Variants in TJP3 observed in about 807,000 individuals in gnomAD.
The protein encoded by TJP3 is tight junction protein 3.
A neutral mutation model predicts 104.2 loss-of-function variants in TJP3; 85 were observed. The ratio of observed to expected loss-of-function variants is 0.82; its 90% confidence interval spans 0.68 to 0.98. The LOEUF is 0.98. Among genes scored for constraint, TJP3 ranks in the 50% least tolerant of loss-of-function variants. TJP3 has a pLI of 0.00. For synonymous variants in TJP3, 550 were observed against 550.6 expected (o/e 1.00, Z 0.02); for missense variants, 1,367 against 1,322.8 (o/e 1.03, Z -0.52).
chr19:3,731,839 T>C, intron 5 of TJP3, 96 bp from the exon 6 acceptor site: 1 of 903,346 alleles, frequency 1.1e-6, no homozygotes. Context: ...GGTGTTAGGA[T>C]GGGAGGGCCC....
chr19:3,737,935 G>A (rs755183626), intron 11 of TJP3, among the ~76,000 whole-genome samples: 5 of 148,532 alleles, frequency 3.4e-5, no homozygotes, highest in African/African-American at 7.5e-5. Context: ...TGTCCATGTC[G>A]TGACCCTGAG....
At chr19:3,749,419 G>A (rs922997289) in intron 19 of TJP3, among the ~76,000 whole-genome samples, 21 of 152,000 alleles carry the variant, frequency 1.4e-4, no homozygotes, top group Middle Eastern at 3.4e-3. Flanking sequence ...AGTTCGTTGC[G>A]GCCTCCAACT....
chr19:3,736,961 C>T (rs1292691214), intron 11 of TJP3, among the ~76,000 whole-genome samples: 1 of 150,916 alleles, frequency 6.6e-6, no homozygotes, highest in Non-Finnish European at 1.5e-5. Context: ...CTCACTGCAA[C>T]CTCCGCCTCC....
rs1555737412 is a variant in TJP3 at position 3,720,905 on chromosome 19, T to TTC, written c.-9-7518_-9-7517insCT. 1.5e-3 allele frequency among the ~76,000 whole-genome samples: 211 copies of TTC among 142,520 alleles called. 1 individual carries two copies. In the East Asian group the frequency reaches 0.023, roughly 15 times the overall value. The allele number at this position is 142,520 out of a possible 152,430, so 93.5% of individuals were successfully genotyped here. A position where few individuals can be genotyped will look rare whatever the true frequency, so the allele number is the denominator to read the frequency against. On this transcript the variant is annotated intron_variant, in intron 1 of 20. Transcript: ENST00000541714. Reference sequence around the variant, plus strand: ...CTTCTTTCCTTCCTTCCTTTTCTTTTTTTTTTTTTTTTTTTGAGACAGGGT... The same window carrying TTC: ...CTTCTTTCCTTCCTTCCTTTTCTTTTTCTTTTTTTTTTTTTTTGAGACAGGGT...
intron 3 of TJP3, 30 bp from the exon 4 acceptor site, chr19:3,729,995 GCCT>G: frequency 1.3e-6 from 2 of 1,597,866 alleles, no homozygotes; most frequent in Non-Finnish European, 1.7e-6. Context: ...CCCCTGCAAA[GCCT>G]CCTCCGTAAG....
At chr19:3,723,231 C>T (rs183760725) in intron 1 of TJP3, among the ~76,000 whole-genome samples, 3 of 152,116 alleles carry the variant, frequency 2.0e-5, no homozygotes, top group Admixed American at 2.0e-4. Flanking sequence ...CATCCCACAC[C>T]CCAATCATCA....
Position 3,739,074 on chromosome 19 carries a change from C to T in TJP3, c.1571C>T (p.Ala524Val), listed in dbSNP as rs147001701. 26 of 1,605,824 alleles carry T rather than the reference C, an allele frequency of 1.6e-5. No individual in the cohort carries two copies. The highest frequency in any genetic ancestry group is 3.4e-5 in the Admixed American group (2 of 59,506). Residue 524 changes from alanine (A) to valine (V), a missense_variant, in exon 13 of 21, where the codon GCG (alanine) becomes GTG (valine). Transcript: ENST00000541714. ...CACGCACGAGGAGGCCACTGGCTGGCGGTGCGCATGGGTCGTGACCTGCGG... is the reference window on the plus strand; with the variant it reads ...CACGCACGAGGAGGCCACTGGCTGGTGGTGCGCATGGGTCGTGACCTGCGG... Reference protein sequence around the residue: ...QSHARGGHWLAVRMGRDLREQ... With the variant: ...QSHARGGHWLVVRMGRDLREQ...
rs1424856616 is a variant in TJP3, at chr19:3,735,588, G to A, written c.1009G>A (p.Glu337Lys). ...CAGGGAGAGTCCCCGGCTTCGGCGG[G>A]AAAGTTCAGTAGATTCCAGAACCAT... ...SPVESPRLRR[E>K]SSVDSRTISE... The change falls in exon 9 of 21, where the codon GAA becomes AAA. Residue 337 changes from glutamate to lysine, a missense_variant. Glu to Lys is a moderately conservative substitution (Grantham distance 56). Coordinates refer to ENST00000541714, the MANE Select transcript of TJP3 (RefSeq NM_001267560.2). 6.2e-7 allele frequency: 1 copy of A among 1,614,218 alleles called. No homozygotes were observed. The highest frequency in any genetic ancestry group is 1.1e-5 in the South Asian group (1 of 91,086).
Position 3,746,652 on chromosome 19 carries a change from A to T in TJP3, c.2178A>T (p.Ala726=), listed in dbSNP as rs2036896399. 6.2e-6 allele frequency: 10 copies of T among 1,613,216 alleles called. No homozygotes were observed. The highest frequency in any genetic ancestry group is 7.6e-6 in the Non-Finnish European group (9 of 1,179,752). ...ASRRSTRRLY[A]QAQKLRKHSS... ...GCCGCAGCACCCGTCGCCTCTACGC[A>T]CAAGCCCAGAAGCTGCGAAAACACA... The change falls in exon 17 of 21, where the codon GCA becomes GCT. Residue 726 remains alanine, a synonymous_variant. Transcript: ENST00000541714. This position sits in a 1 kb window ranked among gnomAD's most constrained non-coding sequence, Gnocchi z 4.1.
chr19:3,712,708 G>C (rs2036444062), intron 1 of TJP3, among the ~76,000 whole-genome samples: 1 of 152,122 alleles, frequency 6.6e-6, no homozygotes, highest in Non-Finnish European at 1.5e-5. Flanking sequence ...CAACATTTTG[G>C]GAGGCCGAGG....
At chr19:3,741,440 A>C (rs2036817707) in intron 14 of TJP3, among the ~76,000 whole-genome samples, 2 of 152,132 alleles carry the variant, frequency 1.3e-5, no homozygotes, top group East Asian at 3.9e-4. Context: ...AGCCTGGCCC[A>C]CATGGTGAAA....
chr19:3,738,882 TC>T lies in TJP3; in HGVS notation c.1394-12del. ...AGCAGCCCAGGCAGCTCATGTGGCC[TC>T]CCGCTCTCCCCAGTTTTCTGGAAAA... is the stretch of plus-strand genomic sequence containing the variant. On this transcript the variant is annotated splice_polypyrimidine_tract_variant and intron_variant, in intron 12 of 20. Coordinates refer to ENST00000541714, the MANE Select transcript of TJP3 (RefSeq NM_001267560.2). The T allele has an allele frequency of 6.4e-7, 1 of 1,566,050 alleles. No homozygotes were observed. The highest frequency in any genetic ancestry group is 1.2e-5 in the South Asian group (1 of 84,382).
At chr19:3,727,500 AAAG>A (rs1258645911) in intron 1 of TJP3, among the ~76,000 whole-genome samples, 4 of 151,384 alleles carry the variant, frequency 2.6e-5, no homozygotes, top group Non-Finnish European at 5.9e-5. Context: ...AAAAAAAAAA[AAAG>A]AGATAGTACA....
intron 6 of TJP3, among the ~76,000 whole-genome samples, chr19:3,733,442 T>C (rs1461755665): frequency 2.0e-5 from 3 of 152,206 alleles, no homozygotes; most frequent in Non-Finnish European, 2.9e-5. Context: ...AATGTCACCC[T>C]CACATCTGTT....
At chr19:3,740,842 C>G in intron 14 of TJP3, 79 bp downstream of exon 14, 2 of 1,358,890 alleles carry the variant, frequency 1.5e-6, no homozygotes, top group African/African-American at 1.5e-5. Context: ...CATTCAGCCT[C>G]TAAAAGGCAC....
intron 1 of TJP3, among the ~76,000 whole-genome samples, chr19:3,722,726 G>T (rs2036553419): frequency 6.6e-6 from 1 of 152,212 alleles, no homozygotes; most frequent in African/African-American, 2.4e-5. Context: ...CCAAGCTTCA[G>T]GACCCGGCAC....
chr19:3,720,226 G>A (rs1319299703), intron 1 of TJP3, among the ~76,000 whole-genome samples: 4 of 152,224 alleles, frequency 2.6e-5, no homozygotes, highest in African/African-American at 7.2e-5. Context: ...GTCCCCACAA[G>A]AGGCTTTGGC....
chr19:3,740,580 G>A lies in TJP3; in HGVS notation c.1660G>A (p.Ala554Thr), dbSNP rs763739790. ...RAEQLASLEA[A>T]QRAVGVGPGS... Reference sequence around the variant, plus strand: ...GGAGCAGCTGGCCAGCCTGGAAGCTGCCCAGAGGGCCGTGGGAGTCGGGCC... The same window carrying A: ...GGAGCAGCTGGCCAGCCTGGAAGCTACCCAGAGGGCCGTGGGAGTCGGGCC... Residue 554 changes from alanine (A) to threonine (T), a missense_variant, in exon 14 of 21, where the codon GCC becomes ACC. Coordinates refer to ENST00000541714, the MANE Select transcript of TJP3 (RefSeq NM_001267560.2). 1.3e-6 allele frequency: 2 copies of A among 1,519,216 alleles called. No homozygotes were observed. The highest frequency in any genetic ancestry group is 4.7e-5 in the East Asian group (2 of 42,454). 94.1% of individuals were successfully genotyped at this position (1,519,216 alleles called of 1,614,324 possible). A position where few individuals can be genotyped will look rare whatever the true frequency, so the allele number is the denominator to read the frequency against.
intron 8 of TJP3, among the ~76,000 whole-genome samples, chr19:3,735,157 C>T (rs978937128): frequency 6.6e-6 from 1 of 152,072 alleles, no homozygotes; most frequent in East Asian, 1.9e-4. Flanking sequence ...TGAGCCACCA[C>T]GCCCAGCCCA....
Sources: allele counts gnomAD v4.1 joint callset (sites outside exome capture counted in the v4.1 genomes callset), GRCh38; gene constraint gnomAD v4.1.1; non-coding constraint Gnocchi (gnomAD v3.1); transcripts MANE v1.5; gene names NCBI Gene and HGNC (gene_info 2026-07-23, HGNC 2026-07-21).